Variants in AMMECR1 observed in about 807,000 individuals in gnomAD.
AMMECR1 encodes nuclear protein AMMECR1.
A neutral mutation model predicts 22.5 loss-of-function variants in AMMECR1; 3 were observed. The ratio of observed to expected loss-of-function variants is 0.13; its 90% CI spans 0.06 to 0.35. AMMECR1 has a LOEUF of 0.35. Ranked by LOEUF, AMMECR1 falls within the 10% of genes least tolerant of loss-of-function variation. The pLI is 1.00. For synonymous variants in AMMECR1, 130 were observed against 116.7 expected, an observed-to-expected ratio of 1.11 and a Z score of -0.74; for missense variants, 235 against 278.7, an observed-to-expected ratio of 0.84 and a Z score of 1.12.
At chrX:110,349,364 G>A (rs910647984) in intron 2 of AMMECR1, among the ~76,000 whole-genome samples, 1 of 111,687 alleles carries the variant, frequency 9.0e-6, no homozygotes, top group African/African-American at 3.3e-5. Context: ...AATGTGCTCA[G>A]TGTGGTGCAG....
intron 2 of AMMECR1, among the ~76,000 whole-genome samples, chrX:110,421,727 C>T (rs2068718843): frequency 8.9e-6 from 1 of 112,679 alleles, no homozygotes; most frequent in South Asian, 3.7e-4. Context: ...AGTTTTATGG[C>T]ATAAGGCCAT....
intron 3 of AMMECR1, 47 bp from the exon 4 acceptor site, chrX:110,202,583 CA>C (rs1316282657): frequency 2.4e-6 from 2 of 848,165 alleles, no homozygotes; most frequent in Non-Finnish European, 3.4e-6. Flanking sequence ...TTCATAGAAT[CA>C]GAAAGAAAAG....
chrX:110,330,095 T>A (rs1203385267), intron 2 of AMMECR1, among the ~76,000 whole-genome samples: 3 of 111,740 alleles, frequency 2.7e-5, no homozygotes, highest in Non-Finnish European at 5.6e-5. Context: ...TCTCTATTGT[T>A]CTACAAATCT....
chrX:110,308,651 C>T (rs776361830), intron 1 of AMMECR1, among the ~76,000 whole-genome samples: 50 of 111,800 alleles, frequency 4.5e-4, no homozygotes, highest in African/African-American at 1.5e-3. Flanking sequence ...TACTGACTTT[C>T]TCTGTACCTA....
At chrX:110,266,380 A>AT (rs1298181860) in intron 1 of AMMECR1, among the ~76,000 whole-genome samples, 2 of 111,125 alleles carry the variant, frequency 1.8e-5, no homozygotes, top group South Asian at 3.8e-4. Context: ...ATCAGCAACC[A>AT]TTTTTTTGTT....
At chrX:110,211,093 TG>T (rs2067445719) in intron 3 of AMMECR1, among the ~76,000 whole-genome samples, 1 of 112,406 alleles carries the variant, frequency 8.9e-6, no homozygotes, top group African/African-American at 3.2e-5. Context: ...ACTAATGGTT[TG>T]TGAAAATGTC....
At chrX:110,290,357 G>A (rs1257133719) in intron 1 of AMMECR1, among the ~76,000 whole-genome samples, 1 of 111,060 alleles carries the variant, frequency 9.0e-6, no homozygotes, top group Non-Finnish European at 1.9e-5. Context: ...ATAACCACCC[G>A]ATATTGATCT....
intron 2 of AMMECR1, among the ~76,000 whole-genome samples, chrX:110,220,587 A>T (rs1259962106): frequency 1.8e-5 from 2 of 111,920 alleles, no homozygotes; most frequent in Non-Finnish European, 3.8e-5. Context: ...TAATGTTTAA[A>T]TATTGCTAGA....
At chrX:110,393,837 T>A (rs1301045481) in intron 2 of AMMECR1, among the ~76,000 whole-genome samples, 1 of 112,705 alleles carries the variant, frequency 8.9e-6, no homozygotes, top group Non-Finnish European at 1.9e-5. Context: ...CAGGATGGGC[T>A]CCGGCCACCT....
At chrX:110,293,701 T>C (rs2067920395) in intron 1 of AMMECR1, among the ~76,000 whole-genome samples, 1 of 111,964 alleles carries the variant, frequency 8.9e-6, no homozygotes, top group Non-Finnish European at 1.9e-5. Flanking sequence ...CAGCTGTCTA[T>C]CCCTAAATAC....
intron 1 of AMMECR1, among the ~76,000 whole-genome samples, chrX:110,312,975 T>C (rs1010247695): frequency 1.8e-5 from 2 of 112,541 alleles, no homozygotes; most frequent in African/African-American, 6.5e-5. Flanking sequence ...TTCTGGTCAA[T>C]CTTCATCAGA....
intron 2 of AMMECR1, among the ~76,000 whole-genome samples, chrX:110,396,540 G>A (rs2068529829): frequency 8.9e-6 from 1 of 112,202 alleles, no homozygotes; most frequent in Non-Finnish European, 1.9e-5. Context: ...CCAACAGGAA[G>A]CATTTCTCAG....
intron 1 of AMMECR1, among the ~76,000 whole-genome samples, chrX:110,427,745 T>C (rs895156071): frequency 2.7e-5 from 3 of 112,358 alleles, no homozygotes; most frequent in African/African-American, 9.7e-5. Flanking sequence ...TCTATCTCTT[T>C]GGTCATAACC....
chrX:110,364,643 G>A (rs1402916567), intron 2 of AMMECR1, among the ~76,000 whole-genome samples: 3 of 111,608 alleles, frequency 2.7e-5, no homozygotes, highest in African/African-American at 9.8e-5. Context: ...TGGCTAAAAT[G>A]GAAAAAATTG....
intron 2 of AMMECR1, among the ~76,000 whole-genome samples, chrX:110,358,279 G>T (rs1429013932): frequency 1.8e-5 from 2 of 110,937 alleles, no homozygotes; most frequent in Non-Finnish European, 3.8e-5. Flanking sequence ...ATATTTTTTT[G>T]CACCTTTTTA....
At chrX:110,221,541 A>G (rs186168771) in intron 2 of AMMECR1, among the ~76,000 whole-genome samples, 1 of 112,036 alleles carries the variant, frequency 8.9e-6, no homozygotes, top group East Asian at 2.8e-4. Context: ...ACTCAAAAGA[A>G]AAGTTTCAAT....
At chrX:110,254,245 C>A (rs756756988) in intron 2 of AMMECR1, among the ~76,000 whole-genome samples, 2 of 111,775 alleles carry the variant, frequency 1.8e-5, no homozygotes, top group African/African-American at 6.5e-5. Context: ...TATGACTGTA[C>A]AAATCCAAAT....
intron 2 of AMMECR1, among the ~76,000 whole-genome samples, chrX:110,342,140 C>T (rs1181654463): frequency 9.0e-6 from 1 of 111,244 alleles, no homozygotes; most frequent in Non-Finnish European, 1.9e-5. Context: ...AAGTATATTG[C>T]TATAATTGTT....
At chrX:110,378,069 C>A (rs1473274394) in intron 2 of AMMECR1, among the ~76,000 whole-genome samples, 1 of 108,442 alleles carries the variant, frequency 9.2e-6, no homozygotes, top group Non-Finnish European at 1.9e-5. Flanking sequence ...CATCTTTTGT[C>A]CTTTTCTTCA....
Sources: gnomAD v4.1 joint callset for allele counts (sites outside exome capture counted in the v4.1 genomes callset) on GRCh38, gnomAD v4.1.1 for gene constraint, MANE v1.5 for transcripts, NCBI Gene and HGNC (gene_info 2026-07-23, HGNC 2026-07-21) for gene names.